The following FSD1L variants were observed in gnomAD, a reference collection of about 807,000 sequenced individuals.
FSD1L encodes the protein fibronectin type III and SPRY domain containing 1 like.
In FSD1L, 45 loss-of-function variants were observed where a neutral mutation model predicts 71.6. The observed-to-expected ratio is 0.63, with a 90% confidence interval of 0.49 to 0.81. FSD1L has a LOEUF of 0.81. Among genes scored for constraint, FSD1L ranks in the 30% least tolerant of loss-of-function variants. The probability of loss-of-function intolerance (pLI) is 0.00; values close to 1 mark genes in which losing one functional copy is unlikely to be tolerated. For missense variants in FSD1L, 561 were observed against 618.1 expected (o/e 0.91, Z 0.98); for synonymous variants, 197 against 207.2 (o/e 0.95, Z 0.42).
chr9:105,511,722 G>T (rs1161464119), intron 9 of FSD1L, among the ~76,000 whole-genome samples: 1 of 152,090 alleles, frequency 6.6e-6, no homozygotes, highest in Non-Finnish European at 1.5e-5. Flanking sequence ...TGAAATTAAA[G>T]TGCTCTTTAC....
At chr9:105,471,172 C>A (rs1429275180) in intron 4 of FSD1L, among the ~76,000 whole-genome samples, 1 of 152,212 alleles carries the variant, frequency 6.6e-6, no homozygotes, top group Non-Finnish European at 1.5e-5. Flanking sequence ...TTCCTTCTTC[C>A]CATCAAGTAC....
rs1378726900 is a variant in FSD1L, at chr9:105,547,044, A to T, written c.*561A>T. 6 of 152,040 alleles carry T rather than the reference A, an allele frequency of 3.9e-5. No homozygotes were observed. Among genetic ancestry groups the T allele is most frequent in the Admixed American group, 3.9e-4 (6 of 15,256 alleles). The allele number at this position is 152,040 out of a possible 1,614,324, so 9.4% of individuals were successfully genotyped here. A position where few individuals can be genotyped will look rare whatever the true frequency, so the allele number is the denominator to read the frequency against. On this transcript the variant is annotated 3_prime_UTR_variant, in exon 14 of 14. Coordinates refer to ENST00000481272, the MANE Select transcript of FSD1L (RefSeq NM_001145313.3). ...CAAAATTTTCCTCTTTTGTTTATTG[A>T]CTAGATTGTATATAATTTTCTTTTT...
intron 10 of FSD1L, among the ~76,000 whole-genome samples, chr9:105,517,206 TA>T (rs1232900416): frequency 6.6e-6 from 1 of 152,212 alleles, no homozygotes. Flanking sequence ...TTGATTGGTG[TA>T]CCTGAAAGTG....
intron 10 of FSD1L, chr9:105,521,714 C>CA: frequency 6.2e-7 from 1 of 1,612,986 alleles, no homozygotes; most frequent in Non-Finnish European, 8.5e-7. Flanking sequence ...AAAATGGGAC[C>CA]AATACTGCTG....
At chr9:105,494,031 A>C (rs1306423498) in intron 7 of FSD1L, among the ~76,000 whole-genome samples, 2 of 152,044 alleles carry the variant, frequency 1.3e-5, no homozygotes, top group Non-Finnish European at 2.9e-5. Flanking sequence ...GTATTTCCTT[A>C]ATCTGAATGT....
chr9:105,522,381 G>T lies in FSD1L; in HGVS notation c.1025+9445G>T, dbSNP rs955452782. On this transcript the variant is annotated intron_variant, in intron 10 of 13. Coordinates refer to ENST00000481272, the MANE Select transcript of FSD1L (RefSeq NM_001145313.3). ...AGGAGTTGGACATGAATTTCAGAAAGTTTCAGTTGACAAGTCATTTTCTAG... is the reference window on the plus strand; with the variant it reads ...AGGAGTTGGACATGAATTTCAGAAATTTTCAGTTGACAAGTCATTTTCTAG... 2.5e-6 allele frequency: 4 copies of T among 1,613,986 alleles called. No homozygotes were observed. The African/African-American group carries it at 5.3e-5, about 22-fold the overall frequency.
At chr9:105,488,819 GT>G (rs58736638) in intron 7 of FSD1L, among the ~76,000 whole-genome samples, 13,555 of 133,596 alleles carry the variant, frequency 0.1, 902 homozygotes, top group African/African-American at 0.21. Context: ...TTTACATTGG[GT>G]TTTTTTTTTT....
In FSD1L at chr9:105,546,562, A is replaced by G. The variant is rs1837019662; in HGVS notation, c.*79A>G. The G allele has an allele frequency of 2.9e-6, 4 of 1,387,610 alleles. No individual in the cohort carries two copies. Among genetic ancestry groups the G allele is most frequent in the Middle Eastern group, 1.8e-4 (1 of 5,424 alleles). The allele number at this position is 1,387,610 out of a possible 1,614,324, so 86.0% of individuals were successfully genotyped here. ...CAGTTACTAATCACAGGAATTTGGT[A>G]GTAGTGAAAATCAGGTTTGCTGTGT... On this transcript the variant is annotated 3_prime_UTR_variant, in exon 14 of 14. Coordinates refer to ENST00000481272, the MANE Select transcript of FSD1L (RefSeq NM_001145313.3).
chr9:105,522,903 A>G lies in FSD1L; in HGVS notation c.1025+9967A>G. On this transcript the variant is annotated intron_variant, in intron 10 of 13. Transcript: ENST00000481272. ...AAACAAGCAGAACCAGATGCGCCCT[A>G]TTGATGACCCAGGTGTGCCCTCAGA... The G allele has an allele frequency of 5.0e-6, 8 of 1,610,612 alleles. No homozygotes were observed. In the South Asian group the frequency reaches 7.7e-5, roughly 16 times the overall value.
intron 7 of FSD1L, among the ~76,000 whole-genome samples, chr9:105,488,335 C>T (rs556793906): frequency 7.2e-5 from 11 of 152,210 alleles, no homozygotes; most frequent in Non-Finnish European, 4.4e-5. Flanking sequence ...AAGTTTCCTC[C>T]ATGTATATTG....
At chr9:105,456,237 A>G (rs1205401193) in intron 1 of FSD1L, among the ~76,000 whole-genome samples, 1 of 152,318 alleles carries the variant, frequency 6.6e-6, no homozygotes, top group East Asian at 1.9e-4. Flanking sequence ...TTAGGAATCA[A>G]ACTGTCTTAA....
At chr9:105,455,319 T>C (rs926912470) in intron 1 of FSD1L, among the ~76,000 whole-genome samples, 3 of 152,220 alleles carry the variant, frequency 2.0e-5, no homozygotes, top group Non-Finnish European at 4.4e-5. Flanking sequence ...CTTAATAAAA[T>C]ACCATGCCTC....
At chr9:105,452,669 G>GCCTTCCTTCCTT (rs1166449916) in intron 1 of FSD1L, among the ~76,000 whole-genome samples, 5,485 of 95,912 alleles carry the variant, frequency 0.057, 289 homozygotes, top group Non-Finnish European at 0.075. Context: ...CTGCCTGCCT[G>GCCTTCCTTCCTT]CCTTCCTTCC....
At chr9:105,517,428 A>G (rs1834800771) in intron 10 of FSD1L, among the ~76,000 whole-genome samples, 1 of 152,248 alleles carries the variant, frequency 6.6e-6, no homozygotes, top group Non-Finnish European at 1.5e-5. Context: ...TGGATTACCC[A>G]CAAAGGGAAG....
intron 6 of FSD1L, among the ~76,000 whole-genome samples, chr9:105,480,743 A>G (rs543136646): frequency 4.5e-4 from 69 of 152,316 alleles, no homozygotes; most frequent in Admixed American, 1.9e-3. Flanking sequence ...TAGATAGGTC[A>G]GTTTTGTGGA....
upstream of FSD1L, chr9:105,447,838 C>T (rs1365966914): frequency 8.9e-6 from 3 of 335,312 alleles, no homozygotes; most frequent in Non-Finnish European, 1.6e-5. Context: ...GCTGGATGCC[C>T]AGTGGCCTAT....
intron 7 of FSD1L, among the ~76,000 whole-genome samples, chr9:105,489,246 T>G (rs910022897): frequency 2.4e-4 from 36 of 152,096 alleles, no homozygotes; most frequent in South Asian, 1.5e-3. Context: ...TACATATGCC[T>G]TTTTTGGGGC....
At chr9:105,524,865 G>A (rs970925852) in intron 10 of FSD1L, 34 of 1,575,032 alleles carry the variant, frequency 2.2e-5, no homozygotes, top group South Asian at 3.3e-5. Context: ...TGAAAATCAC[G>A]ACAATCATTA....
At chr9:105,501,824 GT>G (rs958690006) in intron 7 of FSD1L, among the ~76,000 whole-genome samples, 1 of 152,008 alleles carries the variant, frequency 6.6e-6, no homozygotes, top group African/African-American at 2.4e-5. Flanking sequence ...TACTTTCCAG[GT>G]TATTAAATTA....
Sources: gnomAD v4.1 joint callset for allele counts (sites outside exome capture counted in the v4.1 genomes callset) on GRCh38, gnomAD v4.1.1 for gene constraint, MANE v1.5 for transcripts, NCBI Gene and HGNC (gene_info 2026-07-23, HGNC 2026-07-21) for gene names.